The following NTHL1 variants were observed in gnomAD, a reference collection of about 807,000 sequenced individuals.
NTHL1 encodes the protein endonuclease III-like protein 1.
Under a neutral mutation model 32.3 loss-of-function variants are expected in NTHL1, and 32 were observed. The ratio of observed to expected loss-of-function variants is 0.99; its 90% CI spans 0.75 to 1.33. The LOEUF is 1.33. Ranked by LOEUF, NTHL1 falls within the 40% of genes most tolerant of loss-of-function variation. The pLI, the probability that NTHL1 is intolerant of heterozygous loss-of-function variation, is 0.00. For synonymous variants in NTHL1, 188 were observed against 176.9 expected, an observed-to-expected ratio of 1.06 and a Z score of -0.50; for missense variants, 501 against 414.1, an observed-to-expected ratio of 1.21 and a Z score of -1.82.
chr16:2,042,273 G>A (rs2084277216), intron 4 of NTHL1: 3 of 358,976 alleles, frequency 8.4e-6, no homozygotes, highest in Non-Finnish European at 1.6e-5. Context: ...GCACCCCAGG[G>A]ACACGGGCAG....
intron 4 of NTHL1, 26 bp from the exon 5 acceptor site, chr16:2,040,264 CA>C: frequency 6.2e-7 from 1 of 1,600,164 alleles, no homozygotes. Flanking sequence ...GCGGGGTGAA[CA>C]GGGGCACACT....
intron 4 of NTHL1, chr16:2,040,512 T>C: frequency 1.8e-6 from 1 of 545,020 alleles, no homozygotes; most frequent in East Asian, 3.2e-5. Flanking sequence ...CCAACACTGG[T>C]GCTAGTTGGA....
rs1347202724 is a variant in NTHL1 at position 2,043,156 on chromosome 16, C to T, written c.685+411G>A. ...AACACACTTCCTCCTCTTGGCCTGG[C>T]TCACCCCACCTTGCTCTGCAGCTCT... is the stretch of plus-strand genomic sequence containing the variant. On this transcript the variant is annotated intron_variant, in intron 4 of 5. Transcript: ENST00000651570. This position sits in a 1 kb window ranked among gnomAD's most constrained non-coding sequence, Gnocchi z 4.4. Among the ~76,000 whole-genome samples the T allele has an allele frequency of 1.3e-5, 2 of 151,462 alleles. No homozygotes were observed. The highest frequency in any genetic ancestry group is 2.9e-5 in the Non-Finnish European group (2 of 67,920).
Position 2,044,113 on chromosome 16 carries a change from G to T in NTHL1, c.526-387C>A. On this transcript the variant is annotated intron_variant, in intron 3 of 5. Transcript: ENST00000651570. This position sits in a 1 kb window ranked among gnomAD's most constrained non-coding sequence, Gnocchi z 5.0. ...CCACCAGCTGCCAGGCCTGCCGGGT[G>T]GTTCCCATCCTGTGCCTGAGTGGAG... 1 of 370,452 alleles carries T rather than the reference G, an allele frequency of 2.7e-6. No homozygotes were observed. The highest frequency in any genetic ancestry group is 5.1e-6 in the Non-Finnish European group (1 of 194,538). The allele number at this position is 370,452 out of a possible 1,614,324, so 22.9% of individuals were successfully genotyped here.
At position 2,044,200 on chromosome 16, in the gene NTHL1, C is replaced by T. The variant is rs1439899358; in HGVS notation, c.525+430G>A. 2 of 331,524 alleles carry T rather than the reference C, an allele frequency of 6.0e-6. No homozygotes were observed. Among genetic ancestry groups the T allele is most frequent in the East Asian group, 7.1e-5 (1 of 14,152 alleles). 20.5% of individuals were successfully genotyped at this position (331,524 alleles called of 1,614,324 possible). A position where few individuals can be genotyped will look rare whatever the true frequency, so the allele number is the denominator to read the frequency against. ...ACGCGGGTGCCAAGGGGAAGCGGCCCCACCCACCAAGCTGCTTTCAACAGA... is the reference window on the plus strand; with the variant it reads ...ACGCGGGTGCCAAGGGGAAGCGGCCTCACCCACCAAGCTGCTTTCAACAGA... On this transcript the variant is annotated intron_variant, in intron 3 of 5. Transcript: ENST00000651570. The surrounding 1 kb of genome is among the most constrained non-coding windows in gnomAD (Gnocchi z 5.0).
chr16:2,040,567 A>G, intron 4 of NTHL1: 3 of 462,516 alleles, frequency 6.5e-6, no homozygotes, highest in Non-Finnish European at 1.2e-5. Flanking sequence ...CCTGGGGGTG[A>G]TGACTCGGCT....
In NTHL1 at chr16:2,040,336, C is replaced by A. The variant is rs571814121; in HGVS notation, c.686-98G>T. 3.6e-6 allele frequency: 4 copies of A among 1,108,452 alleles called. No individual in the cohort carries two copies. The African/African-American group carries it at 4.6e-5, about 13-fold the overall frequency. 68.7% of individuals were successfully genotyped at this position (1,108,452 alleles called of 1,614,324 possible). A position where few individuals can be genotyped will look rare whatever the true frequency, so the allele number is the denominator to read the frequency against. ...GCGAGTCTGCCACCACCCCCGTGGC[C>A]CTCCAGTTAGACATTGGAACCGCAA... On this transcript the variant is annotated intron_variant, in intron 4 of 5. Coordinates refer to ENST00000651570, the MANE Select transcript of NTHL1 (RefSeq NM_002528.7).
rs1596219505 is a variant in NTHL1 at position 2,043,756 on chromosome 16, A to G, written c.526-30T>C. ...AAGACAGGGGTGGGTTCAGCCTTGG[A>G]GGCAAGGGCACAGCCCAACCTGGGA... is the stretch of plus-strand genomic sequence containing the variant. On this transcript the variant is annotated intron_variant, in intron 3 of 5. Transcript: ENST00000651570. The surrounding 1 kb of genome is among the most constrained non-coding windows in gnomAD (Gnocchi z 4.4). 1.9e-5 allele frequency: 30 copies of G among 1,608,860 alleles called. No individual in the cohort carries two copies. The highest frequency in any genetic ancestry group is 2.5e-5 in the Non-Finnish European group (30 of 1,179,818).
chr16:2,047,592 G>A, intron 1 of NTHL1, 117 bp downstream of exon 1: 1 of 1,422,736 alleles, frequency 7.0e-7, no homozygotes, highest in Non-Finnish European at 9.2e-7. Flanking sequence ...ACCGTTCGCG[G>A]CTGCCGGGTT....
rs902599622 is a variant in NTHL1, at chr16:2,040,159, G to A, written c.765C>T (p.Arg255=). The change falls in exon 5 of 6, where the codon CGC becomes CGT. Residue 255 remains arginine (R), a synonymous_variant. Coordinates refer to ENST00000651570, the MANE Select transcript of NTHL1 (RefSeq NM_002528.7). ...KKATKSPEET[R]AALEEWLPRE... ...TAGGCAGCCACTCCTCCAGGGCGGC[G>A]CGGGTCTCCTCTGGGGACTTGGTTG... 23 of 1,613,840 alleles carry A rather than the reference G, an allele frequency of 1.4e-5. No homozygotes were observed. Among genetic ancestry groups the A allele is most frequent in the Middle Eastern group, 3.3e-4 (2 of 6,084 alleles).
intron 1 of NTHL1, 48 bp downstream of exon 1, chr16:2,047,661 A>C (rs765111243): frequency 6.5e-7 from 1 of 1,537,844 alleles, no homozygotes; most frequent in African/African-American, 1.4e-5. Context: ...TCCAGCCTGC[A>C]GCCCCTATCC....
rs1200691336 is a variant in NTHL1, at chr16:2,044,716, G to A, written c.439C>T (p.Arg147Trp). Residue 147 changes from arginine to tryptophan, a missense_variant, in exon 3 of 6, where the codon CGG becomes TGG. Arg to Trp is a moderately radical substitution (Grantham distance 101). Transcript: ENST00000651570. The surrounding 1 kb of genome is among the most constrained non-coding windows in gnomAD (Gnocchi z 5.0). ...CTGTCCACCGTCAGGCCCCGCGCCC[G>A]CAGTCGCTGCATGGCGCCCGCCGTC... ...QVTAGAMQRL[R>W]ARGLTVDSIL... The A allele has an allele frequency of 9.3e-6, 15 of 1,611,998 alleles. No homozygotes were observed. The highest frequency in any genetic ancestry group is 1.3e-5 in the African/African-American group (1 of 74,926).
intron 2 of NTHL1, among the ~76,000 whole-genome samples, chr16:2,045,074 C>A (rs1005059965): frequency 1.3e-5 from 2 of 152,188 alleles, no homozygotes; most frequent in African/African-American, 4.8e-5. Flanking sequence ...TGGTGGCTCG[C>A]ACCCGTCATC....
chr16:2,044,140 G>A lies in NTHL1; in HGVS notation c.526-414C>T, dbSNP rs2084308303. On this transcript the variant is annotated intron_variant, in intron 3 of 5. Coordinates refer to ENST00000651570, the MANE Select transcript of NTHL1 (RefSeq NM_002528.7). This position sits in a 1 kb window ranked among gnomAD's most constrained non-coding sequence, Gnocchi z 5.0. ...TTCCCATCCTGTGCCTGAGTGGAGA[G>A]GGCTATTTAAAACCCATCTGAGAAA... 5.8e-6 allele frequency: 2 copies of A among 344,628 alleles called. No individual in the cohort carries two copies. Among genetic ancestry groups the A allele is most frequent in the Non-Finnish European group, 1.1e-5 (2 of 179,818 alleles). The allele number at this position is 344,628 out of a possible 1,614,324, so 21.3% of individuals were successfully genotyped here. A position where few individuals can be genotyped will look rare whatever the true frequency, so the allele number is the denominator to read the frequency against.
At chr16:2,040,612 C>T (rs2084253798) in intron 4 of NTHL1, 4 of 385,852 alleles carry the variant, frequency 1.0e-5, no homozygotes, top group South Asian at 6.8e-5. Flanking sequence ...ATAACAGCGA[C>T]AGCTCGCTTG....
rs2084305013 is a variant in NTHL1 at position 2,043,932 on chromosome 16, T to C, written c.526-206A>G. 1.7e-6 allele frequency: 1 copy of C among 604,928 alleles called. No individual in the cohort carries two copies. Among genetic ancestry groups the C allele is most frequent in the African/African-American group, 1.8e-5 (1 of 54,398 alleles). The allele number at this position is 604,928 out of a possible 1,614,324, so 37.5% of individuals were successfully genotyped here. On this transcript the variant is annotated intron_variant, in intron 3 of 5. Transcript: ENST00000651570. This position sits in a 1 kb window ranked among gnomAD's most constrained non-coding sequence, Gnocchi z 4.4. ...AGGCCTGACCCCCTCCTCCCACCCG[T>C]GTGGGCCAATGATGCACGTGTAGGC... is the stretch of plus-strand genomic sequence containing the variant.
intron 4 of NTHL1, 81 bp from the exon 5 acceptor site, chr16:2,040,319 GC>G: frequency 1.6e-6 from 2 of 1,290,058 alleles, no homozygotes; most frequent in Non-Finnish European, 2.2e-6. Context: ...AGGCGAGTCT[GC>G]CACCACCCCC....
rs2150942163 is a variant in NTHL1 at position 2,044,617 on chromosome 16, A to G, written c.525+13T>C. On this transcript the variant is annotated intron_variant, in intron 3 of 5. Coordinates refer to ENST00000651570, the MANE Select transcript of NTHL1 (RefSeq NM_002528.7). This position sits in a 1 kb window ranked among gnomAD's most constrained non-coding sequence, Gnocchi z 5.0. ...ACTGCCACCCGGCCCCCGTTGCCAC[A>G]GGCAGGGCTCACCCTCCAGAAACCG... 2 of 1,601,146 alleles carry G rather than the reference A, an allele frequency of 1.2e-6. No individual in the cohort carries two copies. The highest frequency in any genetic ancestry group is 1.7e-6 in the Non-Finnish European group (2 of 1,179,850).
Position 2,044,708 on chromosome 16 carries a change from CCG to C in NTHL1, c.445_446del (p.Arg149GlyfsTer12). 1 of 1,612,518 alleles carries C rather than the reference CCG, an allele frequency of 6.2e-7. No homozygotes were observed. On this transcript the variant is annotated frameshift_variant, in exon 3 of 6. Coordinates refer to ENST00000651570, the MANE Select transcript of NTHL1 (RefSeq NM_002528.7). LOFTEE classifies it high-confidence loss of function. The surrounding 1 kb of genome is among the most constrained non-coding windows in gnomAD (Gnocchi z 5.0). ...TAGAMQRLRA[R>X]GLTVDSILQT... ...GCAGGATGCTGTCCACCGTCAGGCC[CCG>C]CGCCCGCAGTCGCTGCATGGCGCCC...
Sources: gnomAD v4.1 joint callset for allele counts (sites outside exome capture counted in the v4.1 genomes callset) on GRCh38, gnomAD v4.1.1 for gene constraint, Gnocchi (gnomAD v3.1) non-coding constraint, MANE v1.5 for transcripts, NCBI Gene and HGNC (gene_info 2026-07-23, HGNC 2026-07-21) for gene names.